UBE2E2: variants seen among roughly 807,000 people sequenced by gnomAD.
UBE2E2 encodes the protein ubiquitin conjugating enzyme E2 E2.
UBE2E2 carries 6 observed loss-of-function variants against 24.7 expected under a neutral mutation model. The observed-to-expected ratio is 0.24, with a 90% CI of 0.13 to 0.48. The LOEUF (loss-of-function observed/expected upper bound fraction) is 0.48, where lower values mean the gene tolerates loss of function less well. Among genes scored for constraint, UBE2E2 ranks in the 20% least tolerant of loss-of-function variants. The pLI, the probability that UBE2E2 is intolerant of heterozygous loss-of-function variation, is 0.99. For missense variants in UBE2E2, 169 were observed against 245.0 expected (o/e 0.69, Z 2.07); for synonymous variants, 104 against 83.6 (o/e 1.24, Z -1.33).
chr3:23,360,849 AC>A lies in UBE2E2; in HGVS notation c.228-138758del, dbSNP rs1696094993. Among the ~76,000 whole-genome samples the A allele has an allele frequency of 2.6e-5, 4 of 152,272 alleles. No individual in the cohort carries two copies. The South Asian group carries it at 8.3e-4, about 32-fold the overall frequency. ...TTCTAAATAAATGGGACCTAATTAA[AC>A]TAAAAAGCTTCTGCACACCAAAAGA... On this transcript the variant is annotated intron_variant, in intron 3 of 5. Transcript: ENST00000396703.
intron 3 of UBE2E2, among the ~76,000 whole-genome samples, chr3:23,390,852 C>G (rs1227325652): frequency 1.3e-5 from 2 of 152,150 alleles, no homozygotes; most frequent in Non-Finnish European, 2.9e-5. Flanking sequence ...ATGAACATGA[C>G]AAGAAACATC....
In UBE2E2 at chr3:23,273,335, C is replaced by T. The variant is rs561643771; in HGVS notation, c.227+56023C>T. 9.9e-5 allele frequency among the ~76,000 whole-genome samples: 15 copies of T among 151,948 alleles called. No individual in the cohort carries two copies. In the East Asian group the frequency reaches 1.2e-3, roughly 12 times the overall value. On this transcript the variant is annotated intron_variant, in intron 3 of 5. Transcript: ENST00000396703. ...TGGGCGGATCACGAGGTCAGGAGAT[C>T]GAGACCATGGTGAAACCCCGTCTCT...
intron 1 of UBE2E2, among the ~76,000 whole-genome samples, chr3:23,207,335 A>G (rs1696177184): frequency 1.3e-5 from 2 of 152,132 alleles, no homozygotes; most frequent in African/African-American, 2.4e-5. Flanking sequence ...GGTATTGAGG[A>G]AATTGAGTTG....
At chr3:23,526,682 T>C (rs1163202137) in intron 4 of UBE2E2, among the ~76,000 whole-genome samples, 1 of 152,204 alleles carries the variant, frequency 6.6e-6, no homozygotes, top group East Asian at 1.9e-4. Context: ...GATCAAGATT[T>C]TGTTTCCTGC....
At chr3:23,301,988 G>A (rs1238033855) in intron 3 of UBE2E2, among the ~76,000 whole-genome samples, 2 of 151,176 alleles carry the variant, frequency 1.3e-5, no homozygotes, top group African/African-American at 4.9e-5. Context: ...TCATTTTCCT[G>A]ATAATTCAGA....
chr3:23,495,155 T>C (rs915312133), intron 3 of UBE2E2, among the ~76,000 whole-genome samples: 2 of 152,188 alleles, frequency 1.3e-5, no homozygotes, highest in Admixed American at 6.5e-5. Context: ...CATAAACCAA[T>C]TCAGAGTGAT....
chr3:23,560,662 A>G (rs2125504343), intron 5 of UBE2E2, among the ~76,000 whole-genome samples: 1 of 152,190 alleles, frequency 6.6e-6, no homozygotes, highest in Middle Eastern at 3.4e-3. Context: ...ACAATGGTTG[A>G]ACTAGTTTAC....
intron 3 of UBE2E2, among the ~76,000 whole-genome samples, chr3:23,222,654 C>T (rs773603265): frequency 6.6e-6 from 1 of 152,182 alleles, no homozygotes; most frequent in African/African-American, 2.4e-5. Context: ...GTCCATTAAA[C>T]GTCTTTTTGT....
chr3:23,389,694 T>C, intron 3 of UBE2E2: 1 of 244,020 alleles, frequency 4.1e-6, no homozygotes, highest in South Asian at 9.1e-5. Flanking sequence ...GGATTTCACT[T>C]CCATCGCTGC....
At chr3:23,556,813 T>A (rs1408718593) in intron 5 of UBE2E2, among the ~76,000 whole-genome samples, 1 of 152,212 alleles carries the variant, frequency 6.6e-6, no homozygotes, top group Admixed American at 6.5e-5. Context: ...TTAAAGCAAA[T>A]GCTGACATTC....
At chr3:23,447,716 C>T (rs752441510) in intron 3 of UBE2E2, among the ~76,000 whole-genome samples, 1 of 152,146 alleles carries the variant, frequency 6.6e-6, no homozygotes, top group Admixed American at 6.6e-5. Flanking sequence ...ATGACTGTTA[C>T]ACTTATCAAG....
chr3:23,289,831 GT>G (rs1401778643), intron 3 of UBE2E2, among the ~76,000 whole-genome samples: 4 of 152,202 alleles, frequency 2.6e-5, no homozygotes, highest in Non-Finnish European at 4.4e-5. Context: ...TCGAGTTGTG[GT>G]AAGTTGTTTT....
At chr3:23,324,295 A>T (rs1172495877) in intron 3 of UBE2E2, among the ~76,000 whole-genome samples, 1 of 152,128 alleles carries the variant, frequency 6.6e-6, no homozygotes, top group Non-Finnish European at 1.5e-5. Context: ...TATAAAATGA[A>T]GTTTGTCACT....
At chr3:23,381,868 C>G (rs924863357) in intron 3 of UBE2E2, among the ~76,000 whole-genome samples, 10 of 152,150 alleles carry the variant, frequency 6.6e-5, no homozygotes, top group African/African-American at 2.2e-4. Flanking sequence ...GTGTTTGAGG[C>G]TGCTTTGCCC....
intron 5 of UBE2E2, among the ~76,000 whole-genome samples, chr3:23,535,427 A>G (rs1361937213): frequency 6.6e-6 from 1 of 152,126 alleles, no homozygotes; most frequent in Non-Finnish European, 1.5e-5. Context: ...GGATTTTACA[A>G]TCGAAAAAAG....
intron 3 of UBE2E2, among the ~76,000 whole-genome samples, chr3:23,476,068 T>C (rs576438664): frequency 9.9e-5 from 15 of 152,186 alleles, no homozygotes; most frequent in Non-Finnish European, 1.9e-4. Context: ...TCCTCTTCCT[T>C]CCCTTTCCAT....
At chr3:23,418,937 T>A (rs1315671638) in intron 3 of UBE2E2, among the ~76,000 whole-genome samples, 1 of 150,034 alleles carries the variant, frequency 6.7e-6, no homozygotes, top group African/African-American at 2.5e-5. Context: ...TCTTTCTGAT[T>A]TTTCTTTCAC....
intron 3 of UBE2E2, among the ~76,000 whole-genome samples, chr3:23,465,621 C>T (rs1698904720): frequency 6.6e-6 from 1 of 152,148 alleles, no homozygotes; most frequent in Non-Finnish European, 1.5e-5. Context: ...GAAGCAGCTG[C>T]TAACTTCTAC....
intron 3 of UBE2E2, among the ~76,000 whole-genome samples, chr3:23,386,683 G>A (rs533730958): frequency 3.2e-4 from 49 of 152,288 alleles, no homozygotes; most frequent in African/African-American, 9.9e-4. Flanking sequence ...AAGAGCCATC[G>A]TCACATTATT....
Sources: allele counts gnomAD v4.1 joint callset (sites outside exome capture counted in the v4.1 genomes callset), GRCh38; gene constraint gnomAD v4.1.1; transcripts MANE v1.5; gene names NCBI Gene and HGNC (gene_info 2026-07-23, HGNC 2026-07-21).